Variants in PDS5B observed in about 807,000 individuals in gnomAD.
PDS5B encodes the protein PDS5 cohesin associated factor B.
In PDS5B, 51 loss-of-function variants were observed where a neutral mutation model predicts 184.1. The ratio of observed to expected loss-of-function variants is 0.28; its 90% confidence interval spans 0.22 to 0.35. The LOEUF is 0.35. PDS5B is among the 10% of genes least tolerant of loss of function. The pLI, the probability that PDS5B is intolerant of heterozygous loss-of-function variation, is 1.00. For synonymous variants in PDS5B, 566 were observed against 569.2 expected (o/e 0.99, Z 0.08); for missense variants, 1,180 against 1,723.3 (o/e 0.68, Z 5.58).
chr13:32,627,577 T>G (rs532415490), intron 1 of PDS5B, among the ~76,000 whole-genome samples: 23 of 152,302 alleles, frequency 1.5e-4, no homozygotes, highest in African/African-American at 5.5e-4. Flanking sequence ...TTTATTGCAG[T>G]TCTTTCCATT....
chr13:32,716,349 T>G (rs2140908368), intron 19 of PDS5B, among the ~76,000 whole-genome samples: 1 of 146,044 alleles, frequency 6.8e-6, no homozygotes, highest in South Asian at 2.3e-4. Flanking sequence ...CCTGCCCGGC[T>G]GCGACCCCGT....
intron 21 of PDS5B, among the ~76,000 whole-genome samples, chr13:32,739,530 T>A (rs1278426709): frequency 6.6e-6 from 1 of 152,212 alleles, no homozygotes; most frequent in African/African-American, 2.4e-5. Flanking sequence ...ATTTTGTCAA[T>A]TATAAAGAAT....
intron 32 of PDS5B, 28 bp from the exon 33 acceptor site, chr13:32,770,626 A>T (rs373982993): frequency 4.4e-6 from 7 of 1,601,500 alleles, no homozygotes; most frequent in Non-Finnish European, 6.0e-6. Flanking sequence ...ATTTGATGCT[A>T]TCCACATTTG....
intron 13 of PDS5B, 55 bp downstream of exon 13, chr13:32,688,624 T>G (rs1474578313): frequency 9.4e-7 from 1 of 1,059,652 alleles, no homozygotes; most frequent in African/African-American, 1.6e-5. Context: ...ATATTGGATT[T>G]TATGGAAAAG....
At chr13:32,657,739 T>C (rs1374886755) in intron 3 of PDS5B, among the ~76,000 whole-genome samples, 1 of 152,156 alleles carries the variant, frequency 6.6e-6, no homozygotes, top group Non-Finnish European at 1.5e-5. Context: ...AGCAGGTAAT[T>C]ACAATGATTG....
At chr13:32,774,112 T>G (rs989762650) in intron 34 of PDS5B, among the ~76,000 whole-genome samples, 1 of 152,208 alleles carries the variant, frequency 6.6e-6, no homozygotes, top group African/African-American at 2.4e-5. Context: ...CCTTCTTGAC[T>G]TTTAAAGTAA....
chr13:32,647,444 T>C (rs1372863645), intron 1 of PDS5B, among the ~76,000 whole-genome samples: 2 of 152,098 alleles, frequency 1.3e-5, no homozygotes, highest in Non-Finnish European at 2.9e-5. Context: ...CTGATTTTTG[T>C]ATTTTTTGTA....
Position 32,709,988 on chromosome 13 carries a change from A to C in PDS5B, c.2005A>C (p.Thr669Pro), listed in dbSNP as rs1952154601. ...THPISFHSAE[T>P]FESLLACLKM... is the part of the protein sequence containing the mutation. Reference sequence around the variant, plus strand: ...TCCCATCTCATTTCATTCTGCTGAAACATTTGAATCATTACTGGCTTGTCT... The same window carrying C: ...TCCCATCTCATTTCATTCTGCTGAACCATTTGAATCATTACTGGCTTGTCT... Residue 669 changes from threonine to proline, a missense_variant, in exon 19 of 35, where the codon ACA (threonine) becomes CCA (proline). By Grantham distance (38) the Thr-to-Pro change is conservative. This residue lies in a region of PDS5B where 475 missense variants were observed against 691.5 expected (regional missense o/e 0.69). Transcript: ENST00000315596. 6.6e-7 allele frequency: 1 copy of C among 1,507,136 alleles called. No individual in the cohort carries two copies. The highest frequency in any genetic ancestry group is 9.0e-7 in the Non-Finnish European group (1 of 1,111,304). The allele number at this position is 1,507,136 out of a possible 1,614,324, so 93.4% of individuals were successfully genotyped here.
At chr13:32,692,414 C>CTATTTTTTTTT (rs1593440334) in intron 13 of PDS5B, among the ~76,000 whole-genome samples, 1 of 69,124 alleles carries the variant, frequency 1.4e-5, no homozygotes, top group African/African-American at 5.0e-5. Flanking sequence ...GTCCAAAAAG[C>CTATTTTTTTTT]CTTTTTTTTT....
Position 32,707,006 on chromosome 13 carries a change from T to G in PDS5B, c.1929T>G (p.Asp643Glu), listed in dbSNP as rs774633053. The change falls in exon 18 of 35, where the codon GAT becomes GAG. Residue 643 changes from aspartate to glutamate, a missense_variant. Transcript: ENST00000315596. Reference sequence around the variant, plus strand: ...ATGAAGATGAGGGTGTTCCAACTGATCAAGCCATCAGAGCAGGTCTTGAAC... The same window carrying G: ...ATGAAGATGAGGGTGTTCCAACTGAGCAAGCCATCAGAGCAGGTCTTGAAC... Reference protein sequence around the residue: ...ADDEDEGVPTDQAIRAGLELL... With the variant: ...ADDEDEGVPTEQAIRAGLELL... 1 of 1,610,220 alleles carries G rather than the reference T, an allele frequency of 6.2e-7. No homozygotes were observed. The highest frequency in any genetic ancestry group is 8.5e-7 in the Non-Finnish European group (1 of 1,178,028).
chr13:32,672,303 A>AT (rs2140757106), intron 7 of PDS5B, among the ~76,000 whole-genome samples: 1 of 14,464 alleles, frequency 6.9e-5, no homozygotes, highest in East Asian at 2.2e-3. Context: ...ACAAGCTATT[A>AT]TCCCTCACCC....
intron 1 of PDS5B, among the ~76,000 whole-genome samples, chr13:32,645,360 G>C (rs898336564): frequency 6.6e-6 from 1 of 152,032 alleles, no homozygotes. Context: ...GGATTCCCTT[G>C]TTTTTCATTT....
intron 6 of PDS5B, among the ~76,000 whole-genome samples, chr13:32,663,613 T>C (rs898906509): frequency 6.6e-6 from 1 of 152,222 alleles, no homozygotes; most frequent in African/African-American, 2.4e-5. Context: ...TATTTAATGG[T>C]GAAATGTTGA....
intron 1 of PDS5B, among the ~76,000 whole-genome samples, chr13:32,617,986 G>A (rs1203632263): frequency 1.3e-5 from 2 of 152,176 alleles, no homozygotes; most frequent in South Asian, 4.1e-4. Flanking sequence ...CTAGCAGGTT[G>A]TGTAGTCTGG....
rs754791279 is a variant in PDS5B, at chr13:32,704,488, C to T, written c.1857-2446C>T. ...CCCGGCCTTGACCCAGTCCTTTTTA[C>T]ACTTGATCCTAGCCAAAAGGCTGAG... On this transcript the variant is annotated intron_variant, in intron 17 of 34. Transcript: ENST00000315596. Among the ~76,000 whole-genome samples the T allele has an allele frequency of 3.9e-5, 6 of 152,192 alleles. No homozygotes were observed. The South Asian group carries it at 1.2e-3, about 31-fold the overall frequency.
intron 1 of PDS5B, among the ~76,000 whole-genome samples, chr13:32,613,668 T>C (rs1194719727): frequency 6.6e-6 from 1 of 152,232 alleles, no homozygotes; most frequent in Non-Finnish European, 1.5e-5. Context: ...GTATGAATGT[T>C]CTCCCATTCT....
At chr13:32,662,692 T>C (rs1310269801) in intron 6 of PDS5B, among the ~76,000 whole-genome samples, 1 of 152,084 alleles carries the variant, frequency 6.6e-6, no homozygotes, top group Non-Finnish European at 1.5e-5. Context: ...CATGGCTAAA[T>C]GTACATTTCA....
chr13:32,636,566 A>C (rs934536536), intron 1 of PDS5B, among the ~76,000 whole-genome samples: 1 of 152,216 alleles, frequency 6.6e-6, no homozygotes. Context: ...TCAGTTGTTG[A>C]TAACTTTAGC....
chr13:32,722,802 C>T (rs1485526305), intron 19 of PDS5B, among the ~76,000 whole-genome samples: 4 of 152,218 alleles, frequency 2.6e-5, no homozygotes, highest in Non-Finnish European at 5.9e-5. Flanking sequence ...TGGAGGAGCC[C>T]TGTCAGTATC....
Sources: gnomAD v4.1 joint callset for allele counts (sites outside exome capture counted in the v4.1 genomes callset) on GRCh38, gnomAD v4.1.1 for gene constraint, gnomAD v4.1.1 regional missense constraint, MANE v1.5 for transcripts, NCBI Gene and HGNC (gene_info 2026-07-23, HGNC 2026-07-21) for gene names.